The following KMT2E variants were observed in gnomAD, a reference collection of about 807,000 sequenced individuals.
KMT2E encodes histone reader KMT2E.
In KMT2E, 30 loss-of-function variants were observed where a neutral mutation model predicts 184.6. That is an observed-to-expected ratio of 0.16 (90% CI 0.12 to 0.22). The LOEUF (loss-of-function observed/expected upper bound fraction) is 0.22, where lower values mean the gene tolerates loss of function less well. Among genes scored for constraint, KMT2E ranks in the 10% least tolerant of loss-of-function variants. The probability of loss-of-function intolerance (pLI) is 1.00; values close to 1 mark genes in which losing one functional copy is unlikely to be tolerated. For synonymous variants in KMT2E, 815 were observed against 776.5 expected, an observed-to-expected ratio of 1.05 and a Z score of -0.82; for missense variants, 2,023 against 2,237.4, an observed-to-expected ratio of 0.90 and a Z score of 1.93.
chr7:105,055,019 T>C (rs1796520424), intron 3 of KMT2E, among the ~76,000 whole-genome samples: 4 of 152,074 alleles, frequency 2.6e-5, no homozygotes, highest in South Asian at 4.1e-4. Context: ...GTAGTACTTT[T>C]TACCTTCTCT....
chr7:105,095,775 C>T (rs1798385533), intron 15 of KMT2E, among the ~76,000 whole-genome samples: 1 of 152,140 alleles, frequency 6.6e-6, no homozygotes, highest in Non-Finnish European at 1.5e-5. Flanking sequence ...TGTTTATACT[C>T]ACTAGATTCC....
chr7:105,036,823 AT>A (rs1795680374), intron 1 of KMT2E, among the ~76,000 whole-genome samples: 1 of 152,244 alleles, frequency 6.6e-6, no homozygotes, highest in Admixed American at 6.5e-5. Context: ...AGAATCTAAA[AT>A]TCTGTCATTT....
intron 5 of KMT2E, 104 bp from the exon 6 acceptor site, chr7:105,066,623 G>C: frequency 1.2e-6 from 1 of 860,686 alleles, no homozygotes; most frequent in Non-Finnish European, 1.8e-6. Flanking sequence ...GGAGTACTAA[G>C]CTCAAAGTAG....
chr7:105,074,923 C>A, intron 8 of KMT2E, 108 bp downstream of exon 8: 2 of 744,268 alleles, frequency 2.7e-6, no homozygotes, highest in South Asian at 3.4e-5. Context: ...TAAAAAGGAT[C>A]TAGCAGAAGT....
intron 22 of KMT2E, 21 bp from the exon 23 acceptor site, chr7:105,108,921 T>G: frequency 6.4e-7 from 1 of 1,569,130 alleles, no homozygotes; most frequent in Non-Finnish European, 8.7e-7. Flanking sequence ...GATTTGCTTT[T>G]TCTCATCTTT....
chr7:105,089,167 T>A (rs1798101169), intron 13 of KMT2E: 1 of 351,638 alleles, frequency 2.8e-6, no homozygotes, highest in East Asian at 1.1e-4. Context: ...TGAGCATCCC[T>A]CATGCAAAAA....
Position 105,074,820 on chromosome 7 carries a change from G to T in KMT2E, c.729+5G>T. 1 of 1,589,992 alleles carries T rather than the reference G, an allele frequency of 6.3e-7. No individual in the cohort carries two copies. ...CACATTTCAAAATGTAAAAAGGTAC[G>T]TTTTTGCTTGTTTTTAGGTGAGTGG... is the stretch of plus-strand genomic sequence containing the variant. On this transcript the variant is annotated splice_donor_5th_base_variant and intron_variant, in intron 8 of 26. Coordinates refer to ENST00000311117, the MANE Select transcript of KMT2E (RefSeq NM_182931.3).
At chr7:105,099,266 G>A (rs997144404) in intron 15 of KMT2E, among the ~76,000 whole-genome samples, 6 of 152,248 alleles carry the variant, frequency 3.9e-5, no homozygotes, top group African/African-American at 1.4e-4. Context: ...GCTTTATGTA[G>A]CGGCAGTAAT....
intron 1 of KMT2E, among the ~76,000 whole-genome samples, chr7:105,032,462 G>A (rs559273353): frequency 6.6e-6 from 1 of 152,240 alleles, no homozygotes; most frequent in Non-Finnish European, 1.5e-5. Flanking sequence ...AAAAGCGTTT[G>A]CAGGATTTTA....
At position 105,112,919 on chromosome 7, in the gene KMT2E, G is replaced by A. The variant is rs531981161; in HGVS notation, c.5163G>A (p.Pro1721=). 36 of 1,609,786 alleles carry A rather than the reference G, an allele frequency of 2.2e-5. No individual in the cohort carries two copies. The highest frequency in any genetic ancestry group is 1.6e-4 in the Middle Eastern group (1 of 6,080). The change falls in exon 27 of 27, where the codon CCG becomes CCA. Residue 1721 remains proline, a synonymous_variant. Coordinates refer to ENST00000311117, the MANE Select transcript of KMT2E (RefSeq NM_182931.3). The part of the protein sequence containing the change: ...VNSAPPPPPP[P]PPSSVLASGH... ...CAGCACCCCCACCACCCCCTCCGCC[G>A]CCACCTTCCAGTGTTTTGGCTTCTG...
chr7:105,074,423 A>G (rs988634103), intron 7 of KMT2E, among the ~76,000 whole-genome samples: 15 of 152,216 alleles, frequency 9.9e-5, no homozygotes, highest in African/African-American at 3.6e-4. Context: ...GCACACCACC[A>G]GAGTGTGTTA....
intron 6 of KMT2E, among the ~76,000 whole-genome samples, chr7:105,069,735 C>T (rs757158462): frequency 9.2e-5 from 14 of 152,178 alleles, no homozygotes; most frequent in Non-Finnish European, 1.6e-4. Flanking sequence ...TACAATATCA[C>T]AACTAGGATA....
At chr7:105,033,302 T>C (rs150584581) in intron 1 of KMT2E, among the ~76,000 whole-genome samples, 2 of 152,342 alleles carry the variant, frequency 1.3e-5, no homozygotes, top group African/African-American at 2.4e-5. Flanking sequence ...ACAATTTTAA[T>C]GTCATTTTAA....
At chr7:105,091,690 C>A (rs779260107) in intron 15 of KMT2E, 2 of 288,846 alleles carry the variant, frequency 6.9e-6, no homozygotes, top group East Asian at 6.1e-5. Context: ...TTAAACCTTA[C>A]TATAGCACCA....
chr7:105,015,924 A>G (rs774223110), intron 1 of KMT2E, among the ~76,000 whole-genome samples: 4 of 152,130 alleles, frequency 2.6e-5, no homozygotes, highest in Non-Finnish European at 5.9e-5. Flanking sequence ...TGAAAAAAAA[A>G]AACAGCCTTG....
At chr7:105,039,571 A>G (rs925890394) in intron 2 of KMT2E, among the ~76,000 whole-genome samples, 6 of 152,218 alleles carry the variant, frequency 3.9e-5, no homozygotes, top group Non-Finnish European at 7.3e-5. Context: ...CCTGTTTCAC[A>G]GATTATACAG....
intron 5 of KMT2E, 28 bp from the exon 6 acceptor site, chr7:105,066,699 A>G: frequency 6.6e-7 from 1 of 1,517,508 alleles, no homozygotes; most frequent in Non-Finnish European, 9.1e-7. Flanking sequence ...AAATAATATT[A>G]CATATGTTCT....
intron 1 of KMT2E, among the ~76,000 whole-genome samples, chr7:105,034,835 T>C (rs1445706631): frequency 7.4e-6 from 1 of 135,032 alleles, no homozygotes; most frequent in East Asian, 2.4e-4. Context: ...TATGTAACTT[T>C]TTGAGGTTGG....
At chr7:105,057,591 A>G (rs1562896717) in intron 3 of KMT2E, among the ~76,000 whole-genome samples, 1 of 152,060 alleles carries the variant, frequency 6.6e-6, no homozygotes, top group African/African-American at 2.4e-5. Flanking sequence ...GCCTAGGACT[A>G]TAGGTGTGAG....
Sources: allele counts gnomAD v4.1 joint callset (sites outside exome capture counted in the v4.1 genomes callset), GRCh38; gene constraint gnomAD v4.1.1; transcripts MANE v1.5; gene names NCBI Gene and HGNC (gene_info 2026-07-23, HGNC 2026-07-21).